Variants in ABLIM3 observed in about 807,000 individuals in gnomAD.
ABLIM3 encodes the protein actin-binding LIM protein 3.
Under a neutral mutation model 109.5 loss-of-function variants are expected in ABLIM3, and 61 were observed. The ratio of observed to expected loss-of-function variants is 0.56; its 90% CI spans 0.45 to 0.69. The LOEUF (loss-of-function observed/expected upper bound fraction) is 0.69, where lower values mean the gene tolerates loss of function less well. Ranked by LOEUF, ABLIM3 falls within the 30% of genes least tolerant of loss-of-function variation. The probability of loss-of-function intolerance (pLI) is 0.00; values close to 1 mark genes in which losing one functional copy is unlikely to be tolerated. For missense variants in ABLIM3, 796 were observed against 889.5 expected, an observed-to-expected ratio of 0.89 and a Z score of 1.34; for synonymous variants, 300 against 324.8, an observed-to-expected ratio of 0.92 and a Z score of 0.82.
chr5:149,192,812 T>C lies in ABLIM3; in HGVS notation c.152-5407T>C, dbSNP rs560981024. 2.1e-5 allele frequency among the ~76,000 whole-genome samples: 3 copies of C among 145,238 alleles called. No individual in the cohort carries two copies. In the East Asian group the frequency reaches 5.8e-4, roughly 28 times the overall value. On this transcript the variant is annotated intron_variant, in intron 3 of 23. Transcript: ENST00000309868. ...ATAGAAGTGCAGAACATCAATGTAG[T>C]ATTATTCCTAAAAAGAAAAAAATAA... is the stretch of plus-strand genomic sequence containing the variant.
intron 17 of ABLIM3, among the ~76,000 whole-genome samples, chr5:149,247,402 A>G (rs920390556): frequency 6.6e-6 from 1 of 152,228 alleles, no homozygotes; most frequent in Admixed American, 6.5e-5. Flanking sequence ...TTGTGAATGC[A>G]CTGAATGCCA....
intron 2 of ABLIM3, among the ~76,000 whole-genome samples, chr5:149,145,318 G>T (rs752916736): frequency 1.3e-5 from 2 of 152,190 alleles, no homozygotes; most frequent in Non-Finnish European, 2.9e-5. Context: ...CAAAGGACAT[G>T]ATTTTGTCCT....
chr5:149,178,692 C>G (rs567242543), intron 2 of ABLIM3, among the ~76,000 whole-genome samples: 1 of 152,266 alleles, frequency 6.6e-6, no homozygotes, highest in Admixed American at 6.5e-5. Context: ...GGAGAGGAAT[C>G]GTGTCATTCG....
chr5:149,210,824 G>A lies in ABLIM3; in HGVS notation c.669+5G>A. 1 of 1,613,536 alleles carries A rather than the reference G, an allele frequency of 6.2e-7. No individual in the cohort carries two copies. On this transcript the variant is annotated splice_donor_5th_base_variant and intron_variant, in intron 7 of 23. Transcript: ENST00000309868. Reference sequence around the variant, plus strand: ...ATCAGTGGCAGAGTCTTGGAGGTGAGTGGGTATAAGTAACCGTGAAGATGT... The same window carrying A: ...ATCAGTGGCAGAGTCTTGGAGGTGAATGGGTATAAGTAACCGTGAAGATGT...
chr5:149,223,469 T>TA (rs1760865910), intron 8 of ABLIM3, among the ~76,000 whole-genome samples: 1 of 152,148 alleles, frequency 6.6e-6, no homozygotes, highest in African/African-American at 2.4e-5. Flanking sequence ...ACATTTTAGG[T>TA]GACAGAAACC....
At chr5:149,150,535 G>A (rs1245376078) in intron 2 of ABLIM3, among the ~76,000 whole-genome samples, 2 of 152,124 alleles carry the variant, frequency 1.3e-5, no homozygotes, top group Non-Finnish European at 2.9e-5. Flanking sequence ...AAATCACAAC[G>A]TGATTTCAAG....
intron 7 of ABLIM3, chr5:149,216,677 G>T (rs2127525213): frequency 2.6e-6 from 1 of 388,158 alleles, no homozygotes. Flanking sequence ...AAATGAGGAA[G>T]TTGGACCAGT....
intron 8 of ABLIM3, chr5:149,220,292 C>G (rs891345122): frequency 6.6e-6 from 1 of 152,180 alleles, no homozygotes; most frequent in Non-Finnish European, 1.5e-5. Context: ...AAGAGTTAAG[C>G]AAGGAAGTAA....
At chr5:149,168,977 C>A (rs529387612) in intron 2 of ABLIM3, among the ~76,000 whole-genome samples, 5 of 150,368 alleles carry the variant, frequency 3.3e-5, no homozygotes, top group African/African-American at 1.3e-4. Context: ...CCGCTCCCCA[C>A]CCCGGTGATT....
chr5:149,219,555 C>A (rs921285844), intron 8 of ABLIM3: 5 of 152,250 alleles, frequency 3.3e-5, no homozygotes, highest in African/African-American at 1.2e-4. Context: ...CAGGGCAGAG[C>A]AGGGCCTGGC....
At chr5:149,175,774 T>C (rs1305323051) in intron 2 of ABLIM3, among the ~76,000 whole-genome samples, 2 of 152,236 alleles carry the variant, frequency 1.3e-5, no homozygotes, top group Non-Finnish European at 2.9e-5. Context: ...TTTAGGTCTA[T>C]CTAACCCAAA....
At chr5:149,225,980 GTGTATATATATATA>G (rs1473460183) in intron 8 of ABLIM3, among the ~76,000 whole-genome samples, 45 of 21,908 alleles carry the variant, frequency 2.1e-3, no homozygotes, top group East Asian at 9.2e-3. Flanking sequence ...GTGTGTGTGT[GTGTATATATATATA>G]TATATATATA....
rs1753203751 is a variant in ABLIM3 at position 149,244,968 on chromosome 5, A to G, written c.1439A>G (p.Tyr480Cys). The G allele has an allele frequency of 1.2e-6, 2 of 1,613,972 alleles. No individual in the cohort carries two copies. Among genetic ancestry groups the G allele is most frequent in the East Asian group, 2.2e-5 (1 of 44,878 alleles). Residue 480 changes from tyrosine to cysteine, a missense_variant, in exon 16 of 24, where the codon TAC becomes TGC. Tyr to Cys is a radical substitution (Grantham distance 194). Coordinates refer to ENST00000309868, the MANE Select transcript of ABLIM3 (RefSeq NM_014945.5). ...KYSPIYSPDP[Y>C]YASESEYWTY... Reference sequence around the variant, plus strand: ...AGTCCCATCTACTCGCCAGACCCCTACTATGCTTCGGAGTCTGAGTACTGG... The same window carrying G: ...AGTCCCATCTACTCGCCAGACCCCTGCTATGCTTCGGAGTCTGAGTACTGG...
chr5:149,257,538 T>G (rs185250940), intron 23 of ABLIM3, among the ~76,000 whole-genome samples: 3 of 152,226 alleles, frequency 2.0e-5, no homozygotes, highest in Non-Finnish European at 4.4e-5. Context: ...GTTTCAAGAA[T>G]AGTAAAATGA....
At chr5:149,250,528 G>A in intron 20 of ABLIM3, 23 bp downstream of exon 20, 3 of 1,613,924 alleles carry the variant, frequency 1.9e-6, no homozygotes. Flanking sequence ...GCTGGAGGAT[G>A]GGGGAGGACG....
intron 7 of ABLIM3, among the ~76,000 whole-genome samples, chr5:149,213,132 A>C (rs1759725507): frequency 6.6e-6 from 1 of 152,156 alleles, no homozygotes; most frequent in African/African-American, 2.4e-5. Context: ...AAATGAGAAA[A>C]GAAAAGAAAT....
chr5:149,224,767 A>G (rs1761005466), intron 8 of ABLIM3, among the ~76,000 whole-genome samples: 1 of 152,228 alleles, frequency 6.6e-6, no homozygotes, highest in South Asian at 2.1e-4. Flanking sequence ...AGTGCTGGGC[A>G]TGGATTAACT....
Position 149,258,463 on chromosome 5 carries a change from T to G in ABLIM3, c.*59T>G. ...AAAGATATATGTAAAATCTCTCTAC[T>G]GAAGCTCGGTATAATCCTCTCTTGT... On this transcript the variant is annotated 3_prime_UTR_variant, in exon 24 of 24. Transcript: ENST00000309868. 1 of 1,535,828 alleles carries G rather than the reference T, an allele frequency of 6.5e-7. No homozygotes were observed. Among genetic ancestry groups the G allele is most frequent in the Non-Finnish European group, 8.7e-7 (1 of 1,147,686 alleles).
At chr5:149,156,138 G>A (rs191269832) in intron 2 of ABLIM3, among the ~76,000 whole-genome samples, 98 of 152,348 alleles carry the variant, frequency 6.4e-4, no homozygotes, top group African/African-American at 2.3e-3. Flanking sequence ...TGGGCTTGCT[G>A]TATATTCTAA....
Sources: gnomAD v4.1 joint callset for allele counts (sites outside exome capture counted in the v4.1 genomes callset) on GRCh38, gnomAD v4.1.1 for gene constraint, MANE v1.5 for transcripts, NCBI Gene and HGNC (gene_info 2026-07-23, HGNC 2026-07-21) for gene names.